The following EFNA5 variants were observed in gnomAD, a reference collection of about 807,000 sequenced individuals.
The protein encoded by EFNA5 is ephrin A5.
Under a neutral mutation model 22.9 loss-of-function variants are expected in EFNA5, and 5 were observed. The ratio of observed to expected loss-of-function variants is 0.22; its 90% CI spans 0.11 to 0.46. EFNA5 has a LOEUF of 0.46. Among genes scored for constraint, EFNA5 ranks in the 20% least tolerant of loss-of-function variants. EFNA5 has a pLI of 0.99. For synonymous variants in EFNA5, 113 were observed against 112.2 expected (o/e 1.01, Z -0.04); for missense variants, 237 against 293.3 (o/e 0.81, Z 1.40).
At chr5:107,612,408 G>A (rs1445694295) in intron 1 of EFNA5, among the ~76,000 whole-genome samples, 1 of 151,912 alleles carries the variant, frequency 6.6e-6, no homozygotes, top group African/African-American at 2.4e-5. Flanking sequence ...GTTACAACCA[G>A]GAAAGCCTAT....
At chr5:107,651,623 A>C (rs1226539676) in intron 1 of EFNA5, among the ~76,000 whole-genome samples, 1 of 151,742 alleles carries the variant, frequency 6.6e-6, no homozygotes, top group African/African-American at 2.4e-5. Context: ...TTTCCGTTTT[A>C]CACATTAGAC....
chr5:107,603,951 C>A (rs959115373), intron 1 of EFNA5, among the ~76,000 whole-genome samples: 1 of 152,120 alleles, frequency 6.6e-6, no homozygotes, highest in Non-Finnish European at 1.5e-5. Flanking sequence ...TAGGTTTATC[C>A]CTTACCTTAC....
intron 1 of EFNA5, among the ~76,000 whole-genome samples, chr5:107,459,148 C>T (rs375127130): frequency 6.6e-6 from 1 of 152,060 alleles, no homozygotes; most frequent in Admixed American, 6.6e-5. Context: ...AATCCCAGCA[C>T]TTTGAGAGGC....
chr5:107,410,995 AAAAGT>A (rs201247885), intron 2 of EFNA5, among the ~76,000 whole-genome samples: 1,626 of 152,376 alleles, frequency 0.011, 25 homozygotes, highest in African/African-American at 0.036. Flanking sequence ...TAAAAGAAAG[AAAAGT>A]AATTAAATTT....
intron 1 of EFNA5, among the ~76,000 whole-genome samples, chr5:107,631,377 CATAT>C (rs143038359): frequency 1.4e-5 from 2 of 147,702 alleles, no homozygotes; most frequent in South Asian, 2.2e-4. Context: ...TACACATGTA[CATAT>C]ATATATATAT....
chr5:107,466,601 G>C (rs893896273), intron 1 of EFNA5, among the ~76,000 whole-genome samples: 1 of 152,170 alleles, frequency 6.6e-6, no homozygotes, highest in Non-Finnish European at 1.5e-5. Flanking sequence ...AGAGAAATTT[G>C]CTTTGAGACA....
intron 1 of EFNA5, among the ~76,000 whole-genome samples, chr5:107,503,692 A>G (rs552948221): frequency 2.6e-5 from 4 of 152,354 alleles, no homozygotes; most frequent in Admixed American, 2.6e-4. Flanking sequence ...ATAAAGAGAT[A>G]AGGTCTTAAG....
chr5:107,530,881 G>T (rs780749046), intron 1 of EFNA5, among the ~76,000 whole-genome samples: 6 of 152,132 alleles, frequency 3.9e-5, no homozygotes, highest in Non-Finnish European at 5.9e-5. Context: ...GGTACTGATG[G>T]GTGTTTACCT....
chr5:107,404,944 G>A (rs1454257222), intron 2 of EFNA5, among the ~76,000 whole-genome samples: 1 of 152,142 alleles, frequency 6.6e-6, no homozygotes, highest in Admixed American at 6.6e-5. Flanking sequence ...TGCATGTCAA[G>A]AAAAAGCCTT....
intron 1 of EFNA5, among the ~76,000 whole-genome samples, chr5:107,621,598 A>AC (rs1387722079): frequency 3.9e-5 from 6 of 151,980 alleles, no homozygotes; most frequent in Non-Finnish European, 8.8e-5. Flanking sequence ...TCCTGGCTCC[A>AC]CCCCCCTGAG....
chr5:107,566,987 A>T (rs1474381167), intron 1 of EFNA5, among the ~76,000 whole-genome samples: 11 of 152,210 alleles, frequency 7.2e-5, no homozygotes, highest in African/African-American at 2.7e-4. Flanking sequence ...TTAAGTTCTC[A>T]TTTGAATTTG....
At chr5:107,417,370 C>G (rs922432781) in intron 2 of EFNA5, among the ~76,000 whole-genome samples, 4 of 152,000 alleles carry the variant, frequency 2.6e-5, no homozygotes, top group African/African-American at 9.7e-5. Context: ...AAAACCAAAC[C>G]CATACATAGC....
At chr5:107,401,277 A>G (rs1344329080) in intron 2 of EFNA5, among the ~76,000 whole-genome samples, 1 of 152,190 alleles carries the variant, frequency 6.6e-6, no homozygotes, top group Non-Finnish European at 1.5e-5. Flanking sequence ...ATTACTTGGC[A>G]TTTTGAGGAA....
At position 107,562,468 on chromosome 5, in the gene EFNA5, G is replaced by A. The variant is rs1748570373; in HGVS notation, c.125+108021C>T. 6.6e-5 allele frequency among the ~76,000 whole-genome samples: 10 copies of A among 151,784 alleles called. No individual in the cohort carries two copies. In the South Asian group the frequency reaches 2.1e-3, roughly 32 times the overall value. The stretch of plus-strand genomic sequence containing the variant: ...GAAATGAAGTTGAAAGTATTTATTA[G>A]GTTGCTTGCACCCACAGCAACAGTA... On this transcript the variant is annotated intron_variant, in intron 1 of 4. Coordinates refer to ENST00000333274, the MANE Select transcript of EFNA5 (RefSeq NM_001962.3).
chr5:107,497,203 A>G (rs1747010436), intron 1 of EFNA5, among the ~76,000 whole-genome samples: 1 of 152,348 alleles, frequency 6.6e-6, no homozygotes, highest in East Asian at 1.9e-4. Flanking sequence ...GTTGATGTAC[A>G]TGAGGACAAA....
At chr5:107,458,698 C>T (rs1267693058) in intron 1 of EFNA5, among the ~76,000 whole-genome samples, 8 of 152,066 alleles carry the variant, frequency 5.3e-5, no homozygotes, top group African/African-American at 1.2e-4. Flanking sequence ...TTGCTTAAAT[C>T]GTAAGGGAAA....
At chr5:107,500,419 G>T (rs933091727) in intron 1 of EFNA5, among the ~76,000 whole-genome samples, 2 of 152,042 alleles carry the variant, frequency 1.3e-5, no homozygotes, top group Non-Finnish European at 2.9e-5. Flanking sequence ...TAATAATTTT[G>T]CCAGGGTAAG....
At chr5:107,521,476 ATT>A (rs1224759732) in intron 1 of EFNA5, among the ~76,000 whole-genome samples, 2,950 of 58,166 alleles carry the variant, frequency 0.051, 77 homozygotes, top group East Asian at 0.23. Flanking sequence ...ATATATATAT[ATT>A]TTTTTTTTTT....
intron 1 of EFNA5, among the ~76,000 whole-genome samples, chr5:107,569,547 GTATATATATATTTATATATATA>G (rs1197053667): frequency 9.6e-6 from 1 of 104,422 alleles, no homozygotes; most frequent in South Asian, 2.9e-4. Context: ...ATATATGTGT[GTATATATATATTTATATATATA>G]TATATATATA....
Sources: allele counts gnomAD v4.1 joint callset (sites outside exome capture counted in the v4.1 genomes callset), GRCh38; gene constraint gnomAD v4.1.1; transcripts MANE v1.5; gene names NCBI Gene and HGNC (gene_info 2026-07-23, HGNC 2026-07-21).